The following CCDC61 variants were observed in gnomAD, a reference collection of about 807,000 sequenced individuals.
CCDC61 encodes the protein centrosomal protein CCDC61.
A neutral mutation model predicts 63.0 loss-of-function variants in CCDC61; 55 were observed. The ratio of observed to expected loss-of-function variants is 0.87; its 90% CI spans 0.70 to 1.09. The LOEUF is 1.09. Among genes scored for constraint, CCDC61 ranks in the 50% least tolerant of loss-of-function variants. CCDC61 has a pLI of 0.00. For synonymous variants in CCDC61, 270 were observed against 317.0 expected (o/e 0.85, Z 1.58); for missense variants, 651 against 731.4 (o/e 0.89, Z 1.27).
chr19:46,018,520 C>A lies in CCDC61; in HGVS notation c.*133C>A. 1 of 674,178 alleles carries A rather than the reference C, an allele frequency of 1.5e-6. No homozygotes were observed. Among genetic ancestry groups the A allele is most frequent in the Admixed American group, 2.8e-5 (1 of 36,354 alleles). 41.8% of individuals were successfully genotyped at this position (674,178 alleles called of 1,614,324 possible). A position where few individuals can be genotyped will look rare whatever the true frequency, so the allele number is the denominator to read the frequency against. The stretch of plus-strand genomic sequence containing the variant: ...GTCCCTCCTGCTGCCCCTGGGGTCT[C>A]AGGTGTGTGAGGCCCTGACCCTGCC... On this transcript the variant is annotated 3_prime_UTR_variant, in exon 14 of 14. Coordinates refer to ENST00000595358, the MANE Select transcript of CCDC61 (RefSeq NM_001267723.2). The surrounding 1 kb of genome is among the most constrained non-coding windows in gnomAD (Gnocchi z 4.2).
At chr19:45,997,424 C>A (rs564910017) in intron 1 of CCDC61, among the ~76,000 whole-genome samples, 2 of 152,078 alleles carry the variant, frequency 1.3e-5, no homozygotes. Flanking sequence ...TGGACTCTTG[C>A]GGGTCACCCA....
chr19:46,014,874 C>G (rs1261995499), intron 5 of CCDC61, among the ~76,000 whole-genome samples, 175 bp from the exon 6 acceptor site: 1 of 152,192 alleles, frequency 6.6e-6, no homozygotes, highest in Non-Finnish European at 1.5e-5. Context: ...CACATCCCTC[C>G]TCACACGTCG....
chr19:46,009,844 G>GCA (rs1254261691), intron 5 of CCDC61, among the ~76,000 whole-genome samples: 2 of 128,980 alleles, frequency 1.6e-5, no homozygotes, highest in Admixed American at 1.5e-4. Flanking sequence ...GTGTGCGCGC[G>GCA]CGTTTGCTCT....
At chr19:46,013,940 T>C (rs1968876572) in intron 5 of CCDC61, among the ~76,000 whole-genome samples, 2 of 152,114 alleles carry the variant, frequency 1.3e-5, no homozygotes, top group African/African-American at 2.4e-5. Flanking sequence ...AAACGATGTG[T>C]TTTAGTCACC....
rs1600658038 is a variant in CCDC61 at position 46,018,235 on chromosome 19, A to T, written c.1442-55A>T. 4 of 1,545,950 alleles carry T rather than the reference A, an allele frequency of 2.6e-6. No homozygotes were observed. In the African/African-American group the frequency reaches 4.1e-5, roughly 16 times the overall value. ...GGGCAGTGGTATATTGGGCCCAGGA[A>T]CTCCCTGGGGCTTCAGGCCCCTCAC... On this transcript the variant is annotated intron_variant, in intron 13 of 13. Transcript: ENST00000595358. The surrounding 1 kb of genome is among the most constrained non-coding windows in gnomAD (Gnocchi z 4.2).
chr19:46,016,868 G>A lies in CCDC61; in HGVS notation c.1231+35G>A. ...CTGGAGCTGGGGGCTGCCGGGCTAG[G>A]CGGGACTGGGCGGGGCTGGGCGGGC... On this transcript the variant is annotated intron_variant, in intron 10 of 13. Transcript: ENST00000595358. The surrounding 1 kb of genome is among the most constrained non-coding windows in gnomAD (Gnocchi z 7.2). The A allele has an allele frequency of 6.6e-7, 1 of 1,507,692 alleles. No homozygotes were observed. Among genetic ancestry groups the A allele is most frequent in the Non-Finnish European group, 8.9e-7 (1 of 1,126,088 alleles). 93.4% of individuals were successfully genotyped at this position (1,507,692 alleles called of 1,614,324 possible).
At chr19:45,995,588 G>A (rs1293707575) in intron 1 of CCDC61, 84 bp downstream of exon 1, 2 of 404,626 alleles carry the variant, frequency 4.9e-6, no homozygotes, top group Admixed American at 3.0e-5. Flanking sequence ...GGGGGAGAGT[G>A]GGCTGCGGTG....
Position 45,995,641 on chromosome 19 carries a change from C to T in CCDC61, c.-12+137C>T, listed in dbSNP as rs930227. 165,521 of 358,750 alleles carry T rather than the reference C, an allele frequency of 0.46. 39,079 individuals are homozygous for T. The highest frequency in any genetic ancestry group is 0.49 in the Non-Finnish European group (88,913 of 180,018). The allele number at this position is 358,750 out of a possible 1,614,324, so 22.2% of individuals were successfully genotyped here. A position where few individuals can be genotyped will look rare whatever the true frequency, so the allele number is the denominator to read the frequency against. On this transcript the variant is annotated intron_variant, in intron 1 of 13. Coordinates refer to ENST00000595358, the MANE Select transcript of CCDC61 (RefSeq NM_001267723.2). ...TGTAGGAATCGGGAGGGAGGGTGCCCTTTAACAAGGGTAGGCGCTTGATTG... is the reference window on the plus strand; with the variant it reads ...TGTAGGAATCGGGAGGGAGGGTGCCTTTTAACAAGGGTAGGCGCTTGATTG...
Position 45,995,484 on chromosome 19 carries a change from G to A in CCDC61, c.-32G>A, listed in dbSNP as rs1169724036. 2 of 530,234 alleles carry A rather than the reference G, an allele frequency of 3.8e-6. No individual in the cohort carries two copies. Among genetic ancestry groups the A allele is most frequent in the East Asian group, 5.5e-5 (1 of 18,190 alleles). 32.8% of individuals were successfully genotyped at this position (530,234 alleles called of 1,614,324 possible). ...GCTTCGTCAGTTGAACCGCTCGCGA[G>A]GAGGGTTGCTAGTGGAGAAGGTGAG... On this transcript the variant is annotated 5_prime_UTR_variant, in exon 1 of 14. Transcript: ENST00000595358.
At chr19:46,006,476 G>C (rs1453392299) in intron 3 of CCDC61, 83 bp from the exon 4 acceptor site, 6 of 1,339,696 alleles carry the variant, frequency 4.5e-6, no homozygotes, top group Non-Finnish European at 6.0e-6. Context: ...GAACGGGAAG[G>C]GCTGTGGCCC....
In CCDC61 at chr19:46,016,640, C is replaced by T. The variant is rs2146489293; in HGVS notation, c.1092-54C>T. 1 of 1,602,160 alleles carries T rather than the reference C, an allele frequency of 6.2e-7. No individual in the cohort carries two copies. Among genetic ancestry groups the T allele is most frequent in the Admixed American group, 1.7e-5 (1 of 58,248 alleles). On this transcript the variant is annotated intron_variant, in intron 9 of 13. Coordinates refer to ENST00000595358, the MANE Select transcript of CCDC61 (RefSeq NM_001267723.2). This position sits in a 1 kb window ranked among gnomAD's most constrained non-coding sequence, Gnocchi z 7.2. Reference sequence around the variant, plus strand: ...GTGACCTTTAGGGGCGCAGTGACCCCCTTGCCTGCAGGAGTTGGGCGTACA... The same window carrying T: ...GTGACCTTTAGGGGCGCAGTGACCCTCTTGCCTGCAGGAGTTGGGCGTACA...
At chr19:46,017,745 C>T (rs543543669) in intron 12 of CCDC61, among the ~76,000 whole-genome samples, 4 of 152,240 alleles carry the variant, frequency 2.6e-5, no homozygotes, top group Admixed American at 6.5e-5. Flanking sequence ...ATGAGGGGCA[C>T]GTGATGCTCT....
In CCDC61 at chr19:46,008,159, C is replaced by A. The variant is rs778648206; in HGVS notation, c.409C>A (p.Leu137Ile). 1 of 1,611,426 alleles carries A rather than the reference C, an allele frequency of 6.2e-7. No individual in the cohort carries two copies. Among genetic ancestry groups the A allele is most frequent in the Non-Finnish European group, 8.5e-7 (1 of 1,178,962 alleles). ...CCTCAGGATTCACTACCCGCTGCCC[C>A]TCCCGTACCAGGGCAAGCCAGACCC... Reference protein sequence around the residue: ...EFDRIHYPLPLPYQGKPDPVV... With the variant: ...EFDRIHYPLPIPYQGKPDPVV... The change falls in exon 5 of 14, where the codon CTC becomes ATC. Residue 137 changes from leucine to isoleucine, a missense_variant. Leu to Ile is a conservative substitution (Grantham distance 5, BLOSUM62 2). Coordinates refer to ENST00000595358, the MANE Select transcript of CCDC61 (RefSeq NM_001267723.2).
chr19:46,003,259 CTCT>C (rs1196126284), intron 2 of CCDC61, 93 bp downstream of exon 2: 1 of 1,476,692 alleles, frequency 6.8e-7, no homozygotes, highest in African/African-American at 1.4e-5. Context: ...GCCCACCTGC[CTCT>C]TCTTTGTCAC....
rs779249611 is a variant in CCDC61 at position 46,015,304 on chromosome 19, G to A, written c.763-41G>A. 7 of 1,576,266 alleles carry A rather than the reference G, an allele frequency of 4.4e-6. No homozygotes were observed. The highest frequency in any genetic ancestry group is 6.0e-6 in the Non-Finnish European group (7 of 1,169,230). ...GGCGGCCAGCGAGGCGCGGACCTCG[G>A]CCTCAGCCTGGACCTCCGCGCCCCT... On this transcript the variant is annotated intron_variant, in intron 6 of 13. Coordinates refer to ENST00000595358, the MANE Select transcript of CCDC61 (RefSeq NM_001267723.2). The surrounding 1 kb of genome is among the most constrained non-coding windows in gnomAD (Gnocchi z 5.3).
chr19:46,015,226 T>C lies in CCDC61; in HGVS notation c.729T>C (p.Arg243=). ...ERGLGHRVAG[R]RGQDCRRLAK... is the part of the protein sequence containing the mutation. ...GCCTCGGGCACAGGGTGGCCGGCCG[T>C]CGCGGCCAGGACTGCCGCCGTCTGG... is the stretch of plus-strand genomic sequence containing the variant. The change falls in exon 6 of 14, where the codon CGT becomes CGC. Residue 243 remains arginine, a synonymous_variant. Transcript: ENST00000595358. This position sits in a 1 kb window ranked among gnomAD's most constrained non-coding sequence, Gnocchi z 5.3. 1 of 1,333,790 alleles carries C rather than the reference T, an allele frequency of 7.5e-7. No homozygotes were observed. The highest frequency in any genetic ancestry group is 9.5e-7 in the Non-Finnish European group (1 of 1,048,022). The allele number at this position is 1,333,790 out of a possible 1,614,324, so 82.6% of individuals were successfully genotyped here. A position where few individuals can be genotyped will look rare whatever the true frequency, so the allele number is the denominator to read the frequency against.
chr19:46,007,444 A>G (rs1968733978), intron 4 of CCDC61, among the ~76,000 whole-genome samples: 1 of 152,164 alleles, frequency 6.6e-6, no homozygotes, highest in African/African-American at 2.4e-5. Flanking sequence ...AAGAAGAGGG[A>G]CAGGGCTGAG....
rs190292597 is a variant in CCDC61 at position 46,003,686 on chromosome 19, A to C, written c.231+185A>C. ...TTTGAACTTAATGATAGTTATTCTCATGTAGAAAATTTAGGTCACAGAGAA... is the reference window on the plus strand; with the variant it reads ...TTTGAACTTAATGATAGTTATTCTCCTGTAGAAAATTTAGGTCACAGAGAA... On this transcript the variant is annotated intron_variant, in intron 3 of 13. Transcript: ENST00000595358. 3.5e-5 allele frequency: 17 copies of C among 490,096 alleles called. No individual in the cohort carries two copies. In the East Asian group the frequency reaches 5.3e-4, roughly 15 times the overall value. The allele number at this position is 490,096 out of a possible 1,614,324, so 30.4% of individuals were successfully genotyped here. A position where few individuals can be genotyped will look rare whatever the true frequency, so the allele number is the denominator to read the frequency against.
Position 46,016,820 on chromosome 19 carries a change from C to G in CCDC61, c.1218C>G (p.Asn406Lys). Residue 406 changes from asparagine (N) to lysine (K), a missense_variant, in exon 10 of 14, where the codon AAC (asparagine) becomes AAG (lysine). Physicochemically the swap from Asn to Lys is moderately conservative, Grantham distance 94. Transcript: ENST00000595358. The surrounding 1 kb of genome is among the most constrained non-coding windows in gnomAD (Gnocchi z 7.2). ...GRGDAPNRSR[N>K]RSSSVDSFRS... ...GGGACGCCCCTAACCGCTCCCGAAA[C>G]CGCAGCTCCTCAGGTAACTGGCCTG... The G allele has an allele frequency of 1.3e-6, 2 of 1,519,638 alleles. No homozygotes were observed. Among genetic ancestry groups the G allele is most frequent in the Non-Finnish European group, 8.8e-7 (1 of 1,132,096 alleles). 94.1% of individuals were successfully genotyped at this position (1,519,638 alleles called of 1,614,324 possible).
Sources: gnomAD v4.1 joint callset for allele counts (sites outside exome capture counted in the v4.1 genomes callset) on GRCh38, gnomAD v4.1.1 for gene constraint, Gnocchi (gnomAD v3.1) non-coding constraint, MANE v1.5 for transcripts, NCBI Gene and HGNC (gene_info 2026-07-23, HGNC 2026-07-21) for gene names.